Variants in CDH4 observed in about 807,000 individuals in gnomAD.
CDH4 encodes cadherin 4, also known as cadherin-4.
A neutral mutation model predicts 86.0 loss-of-function variants in CDH4; 33 were observed. That is an observed-to-expected ratio of 0.38 (90% CI 0.29 to 0.51). The LOEUF is 0.51. Among genes scored for constraint, CDH4 ranks in the 20% least tolerant of loss-of-function variants. CDH4 has a pLI of 0.86. For synonymous variants in CDH4, 555 were observed against 549.4 expected (o/e 1.01, Z -0.14); for missense variants, 1,114 against 1,307.4 (o/e 0.85, Z 2.28).
At chr20:61,305,420 G>A (rs2084411168) in intron 2 of CDH4, among the ~76,000 whole-genome samples, 1 of 152,174 alleles carries the variant, frequency 6.6e-6, no homozygotes, top group East Asian at 1.9e-4. Context: ...GGGAGGTGGG[G>A]CCTGAGAGTC....
chr20:61,483,117 G>A (rs941540787), intron 2 of CDH4, among the ~76,000 whole-genome samples: 2 of 152,194 alleles, frequency 1.3e-5, no homozygotes, highest in African/African-American at 4.8e-5. Context: ...TGGAGCTGCT[G>A]AGCCCAGAGC....
chr20:61,632,831 CT>C, intron 2 of CDH4, among the ~76,000 whole-genome samples: 1 of 119,036 alleles, frequency 8.4e-6, no homozygotes, highest in Non-Finnish European at 1.7e-5. Context: ...TCTTCCTCTC[CT>C]CCTCTCCCCA....
intron 2 of CDH4, among the ~76,000 whole-genome samples, chr20:61,279,472 C>T (rs1439680824): frequency 6.6e-6 from 1 of 152,000 alleles, no homozygotes; most frequent in Non-Finnish European, 1.5e-5. Context: ...CTTTCTCCAG[C>T]AAGAGGCTCA....
At chr20:61,315,272 C>T (rs2084470134) in intron 2 of CDH4, among the ~76,000 whole-genome samples, 2 of 152,118 alleles carry the variant, frequency 1.3e-5, no homozygotes, top group African/African-American at 2.4e-5. Context: ...GGGAAAGAAA[C>T]GTTTCCTCCT....
intron 2 of CDH4, among the ~76,000 whole-genome samples, chr20:61,388,736 A>G (rs1338389176): frequency 6.6e-6 from 1 of 152,216 alleles, no homozygotes; most frequent in Non-Finnish European, 1.5e-5. Flanking sequence ...TTGTGTATAC[A>G]TGTGTATGCG....
intron 2 of CDH4, among the ~76,000 whole-genome samples, chr20:61,496,202 C>A (rs771941645): frequency 1.3e-5 from 2 of 151,876 alleles, no homozygotes; most frequent in Non-Finnish European, 2.9e-5. Context: ...GAGTTTGAGA[C>A]CAGTCTGGGC....
At chr20:61,820,361 C>G (rs941139245) in intron 4 of CDH4, among the ~76,000 whole-genome samples, 2 of 152,250 alleles carry the variant, frequency 1.3e-5, no homozygotes, top group African/African-American at 4.8e-5. Flanking sequence ...ACCACTGAGG[C>G]CAGGCTGGTG....
intron 2 of CDH4, among the ~76,000 whole-genome samples, chr20:61,545,054 G>A (rs750094873): frequency 2.6e-5 from 4 of 152,272 alleles, no homozygotes; most frequent in Non-Finnish European, 5.9e-5. Flanking sequence ...TGGCAGGAGC[G>A]CCCTCGCTTC....
At chr20:61,574,038 G>A (rs1448990127) in intron 2 of CDH4, among the ~76,000 whole-genome samples, 1 of 152,146 alleles carries the variant, frequency 6.6e-6, no homozygotes, top group East Asian at 1.9e-4. Context: ...CCTGCGAGTG[G>A]ACCTTCTGGC....
chr20:61,636,447 T>C (rs901043543), intron 2 of CDH4, among the ~76,000 whole-genome samples: 3 of 152,252 alleles, frequency 2.0e-5, no homozygotes, highest in Admixed American at 2.0e-4. Context: ...GATTTTTAAA[T>C]GAGGATCTTT....
At chr20:61,352,985 C>T (rs932479343) in intron 2 of CDH4, among the ~76,000 whole-genome samples, 2 of 152,118 alleles carry the variant, frequency 1.3e-5, no homozygotes, top group African/African-American at 4.8e-5. Flanking sequence ...GACCAAGGGG[C>T]CCCTGGGGCT....
intron 2 of CDH4, among the ~76,000 whole-genome samples, chr20:61,586,008 GGTGATT>G (rs1469229931): frequency 2.0e-5 from 3 of 151,350 alleles, no homozygotes; most frequent in Non-Finnish European, 4.4e-5. Flanking sequence ...TGATGGTGAT[GGTGATT>G]GTGATGGTGA....
intron 2 of CDH4, among the ~76,000 whole-genome samples, chr20:61,647,167 C>T (rs747790852): frequency 5.9e-5 from 9 of 152,172 alleles, no homozygotes; most frequent in Non-Finnish European, 1.0e-4. Flanking sequence ...GCGCCAGGCA[C>T]GTGTTCCCAA....
intron 4 of CDH4, among the ~76,000 whole-genome samples, chr20:61,798,220 T>G (rs1341637659): frequency 7.0e-6 from 1 of 143,116 alleles, no homozygotes; most frequent in Middle Eastern, 3.2e-3. Context: ...CAGCACCTCC[T>G]GCCAGGAGCA....
At chr20:61,525,308 A>G (rs954234875) in intron 2 of CDH4, among the ~76,000 whole-genome samples, 2 of 152,154 alleles carry the variant, frequency 1.3e-5, no homozygotes, top group African/African-American at 4.8e-5. Flanking sequence ...CCCAGGAGAA[A>G]GAGGGTCAGG....
chr20:61,745,987 G>A (rs562689819), intron 3 of CDH4, among the ~76,000 whole-genome samples: 60 of 152,292 alleles, frequency 3.9e-4, no homozygotes, highest in African/African-American at 1.3e-3. Flanking sequence ...AATGTGCCTC[G>A]ACCCACACCA....
At chr20:61,783,268 T>C (rs76454297) in intron 4 of CDH4, among the ~76,000 whole-genome samples, 1,720 of 152,336 alleles carry the variant, frequency 0.011, 42 homozygotes, top group African/African-American at 0.04. Context: ...CACACTAATA[T>C]ACATTTCTAG....
intron 2 of CDH4, among the ~76,000 whole-genome samples, chr20:61,500,136 C>T (rs13042409): frequency 6.6e-6 from 1 of 152,182 alleles, no homozygotes; most frequent in African/African-American, 2.4e-5. Context: ...TGGAGCAGGG[C>T]GTCCCCTGGC....
intron 2 of CDH4, among the ~76,000 whole-genome samples, chr20:61,688,898 G>A (rs1197040779): frequency 1.3e-5 from 2 of 152,274 alleles, no homozygotes; most frequent in African/African-American, 2.4e-5. Flanking sequence ...GGCACCGCTA[G>A]TTAGGTGGTC....
Sources: gnomAD v4.1 joint callset for allele counts (sites outside exome capture counted in the v4.1 genomes callset) on GRCh38, gnomAD v4.1.1 for gene constraint, MANE v1.5 for transcripts, NCBI Gene and HGNC (gene_info 2026-07-23, HGNC 2026-07-21) for gene names.